The following ENTREP2 variants were observed in gnomAD, a reference collection of about 807,000 sequenced individuals.
The protein encoded by ENTREP2 is protein ENTREP2.
the ENTREP2 span, among the ~76,000 whole-genome samples, chr15:29,274,790 C>T: frequency 6.6e-6 from 1 of 152,166 alleles, no homozygotes; most frequent in Non-Finnish European, 1.5e-5. Flanking sequence ...AGCATTCAAA[C>T]TTCATTTAAG....
the ENTREP2 span, among the ~76,000 whole-genome samples, chr15:29,125,078 C>G: frequency 2.0e-5 from 3 of 152,154 alleles, no homozygotes; most frequent in Non-Finnish European, 4.4e-5. Context: ...CATGTGCCTG[C>G]GGCGTGCACA....
the ENTREP2 span, chr15:29,234,584 T>G: frequency 2.0e-6 from 3 of 1,485,022 alleles, no homozygotes; most frequent in Non-Finnish European, 2.8e-6. Context: ...AATTAAAATA[T>G]CATCTTCACA....
chr15:29,567,570 T>C, the ENTREP2 span, among the ~76,000 whole-genome samples: 13 of 152,170 alleles, frequency 8.5e-5, no homozygotes, highest in African/African-American at 3.1e-4. Context: ...CCAAGATTTC[T>C]TGAGGCTTTG....
the ENTREP2 span, among the ~76,000 whole-genome samples, chr15:29,199,712 ATCAT>A: frequency 6.6e-6 from 1 of 152,204 alleles, no homozygotes. Context: ...TCTCAAAAGG[ATCAT>A]TCATTGAGTA....
At chr15:29,245,254 T>C in the ENTREP2 span, among the ~76,000 whole-genome samples, 2 of 152,100 alleles carry the variant, frequency 1.3e-5, no homozygotes, top group Admixed American at 6.5e-5. Flanking sequence ...ATTTGAAACA[T>C]GGAAAGTTCA....
At chr15:29,398,544 T>G in the ENTREP2 span, among the ~76,000 whole-genome samples, 1 of 151,766 alleles carries the variant, frequency 6.6e-6, no homozygotes, top group South Asian at 2.1e-4. Flanking sequence ...GCCAACATGG[T>G]AAAATCCTGT....
chr15:29,234,322 G>A, the ENTREP2 span: 1 of 1,606,392 alleles, frequency 6.2e-7, no homozygotes, highest in South Asian at 1.1e-5. Flanking sequence ...AATCTGAAGA[G>A]TAACTAATGA....
At chr15:29,506,043 T>C in the ENTREP2 span, among the ~76,000 whole-genome samples, 1 of 152,048 alleles carries the variant, frequency 6.6e-6, no homozygotes, top group African/African-American at 2.4e-5. Flanking sequence ...CTAACCAGAA[T>C]AGCCAGCTTA....
the ENTREP2 span, among the ~76,000 whole-genome samples, chr15:29,478,026 T>TATATA: frequency 8.0e-6 from 1 of 125,612 alleles, no homozygotes; most frequent in African/African-American, 3.2e-5. Flanking sequence ...TATATTTTTT[T>TATATA]TTTTTTTTTT....
chr15:29,203,988 C>A, the ENTREP2 span, among the ~76,000 whole-genome samples: 2 of 152,284 alleles, frequency 1.3e-5, no homozygotes, highest in East Asian at 1.9e-4. Context: ...AATAAAATAA[C>A]CCTTCAATGA....
the ENTREP2 span, among the ~76,000 whole-genome samples, chr15:29,409,544 C>T: frequency 1.7e-4 from 26 of 152,010 alleles, no homozygotes; most frequent in East Asian, 5.8e-4. Flanking sequence ...AGGCTGGTCT[C>T]GAACTCCTGA....
At chr15:29,281,466 A>G in the ENTREP2 span, among the ~76,000 whole-genome samples, 2 of 148,112 alleles carry the variant, frequency 1.4e-5, no homozygotes, top group Admixed American at 1.3e-4. Context: ...TAGGAAAAAA[A>G]GAAGGAAAAC....
the ENTREP2 span, among the ~76,000 whole-genome samples, chr15:29,365,947 G>T: frequency 6.6e-6 from 1 of 152,128 alleles, no homozygotes; most frequent in African/African-American, 2.4e-5. Flanking sequence ...GCTGAAACAC[G>T]TGTCCTGTGC....
the ENTREP2 span, among the ~76,000 whole-genome samples, chr15:29,190,212 T>G: frequency 6.6e-6 from 1 of 152,188 alleles, no homozygotes; most frequent in East Asian, 1.9e-4. Flanking sequence ...CCTCTGGCTC[T>G]ACAATTCTGT....
At chr15:29,414,644 A>G in the ENTREP2 span, among the ~76,000 whole-genome samples, 1 of 152,210 alleles carries the variant, frequency 6.6e-6, no homozygotes, top group Non-Finnish European at 1.5e-5. Flanking sequence ...AGAAATAACT[A>G]AGATCAGAGC....
At chr15:29,308,743 A>G in the ENTREP2 span, among the ~76,000 whole-genome samples, 1 of 152,192 alleles carries the variant, frequency 6.6e-6, no homozygotes, top group South Asian at 2.1e-4. Flanking sequence ...CAACATATGG[A>G]GCTCTGGCAT....
the ENTREP2 span, among the ~76,000 whole-genome samples, chr15:29,236,931 A>C: frequency 2.0e-5 from 3 of 152,172 alleles, no homozygotes; most frequent in Non-Finnish European, 4.4e-5. Context: ...AAAGAAAAAC[A>C]ACCATAAACC....
chr15:29,650,592 C>CA, the ENTREP2 span, among the ~76,000 whole-genome samples: 14 of 145,054 alleles, frequency 9.7e-5, no homozygotes, highest in Non-Finnish European at 1.2e-4. Context: ...GACTCCATCT[C>CA]AAAAAAAACA....
the ENTREP2 span, among the ~76,000 whole-genome samples, chr15:29,636,416 G>A: frequency 6.6e-6 from 1 of 152,236 alleles, no homozygotes. Flanking sequence ...CAAAGGAGGA[G>A]GAACCCGTGG....
Sources: allele counts gnomAD v4.1 joint callset (sites outside exome capture counted in the v4.1 genomes callset), GRCh38; gene constraint gnomAD v4.1.1; transcripts MANE v1.5; gene names NCBI Gene and HGNC (gene_info 2026-07-23, HGNC 2026-07-21).